The following STRN variants were observed in gnomAD, a reference collection of about 807,000 sequenced individuals.
STRN encodes striatin.
In STRN, 53 loss-of-function variants were observed where a neutral mutation model predicts 96.3. That is an observed-to-expected ratio of 0.55 (90% CI 0.44 to 0.69). STRN has a LOEUF of 0.69. Among genes scored for constraint, STRN ranks in the 30% least tolerant of loss-of-function variants. The pLI is 0.00. For missense variants in STRN, 987 were observed against 963.9 expected (o/e 1.02, Z -0.32); for synonymous variants, 428 against 355.9 (o/e 1.20, Z -2.28).
intron 10 of STRN, among the ~76,000 whole-genome samples, chr2:36,872,362 C>T (rs1572636639): frequency 6.6e-6 from 1 of 152,166 alleles, no homozygotes; most frequent in Admixed American, 6.5e-5. Context: ...GGCCTCTCAA[C>T]AACCACAGGA....
intron 15 of STRN, among the ~76,000 whole-genome samples, chr2:36,854,219 T>C (rs1043544097): frequency 6.6e-6 from 1 of 152,234 alleles, no homozygotes; most frequent in Non-Finnish European, 1.5e-5. Flanking sequence ...TTTGCTACTG[T>C]AGCTTTGAGT....
Position 36,916,167 on chromosome 2 carries a change from G to A in STRN, c.339-16C>T. On this transcript the variant is annotated splice_polypyrimidine_tract_variant and intron_variant, in intron 2 of 17. Coordinates refer to ENST00000263918, the MANE Select transcript of STRN (RefSeq NM_003162.4). ...GTATTTGGCTCTAACAAAGAAATGA[G>A]AAAATACAGACCATCTTAAAATATG... The A allele has an allele frequency of 3.1e-6, 5 of 1,593,020 alleles. No homozygotes were observed. The highest frequency in any genetic ancestry group is 4.3e-6 in the Non-Finnish European group (5 of 1,161,748).
At chr2:36,858,249 T>A (rs1220143307) in intron 13 of STRN, among the ~76,000 whole-genome samples, 1 of 152,154 alleles carries the variant, frequency 6.6e-6, no homozygotes, top group East Asian at 1.9e-4. Flanking sequence ...CACGTATTTT[T>A]CCCCCTTAAA....
chr2:36,888,010 A>C (rs1404200078), intron 7 of STRN, among the ~76,000 whole-genome samples: 4 of 151,464 alleles, frequency 2.6e-5, no homozygotes, highest in Non-Finnish European at 5.9e-5. Flanking sequence ...CAAACACCCA[A>C]CCTCTCTCCC....
chr2:36,879,285 A>G (rs2540921), intron 9 of STRN, among the ~76,000 whole-genome samples: 144,505 of 152,272 alleles, frequency 0.95, 69,033 homozygotes, highest in East Asian at 1. Flanking sequence ...TGACCAGGCT[A>G]ATCTCAAATT....
intron 10 of STRN, among the ~76,000 whole-genome samples, chr2:36,874,132 C>T (rs1057374604): frequency 1.6e-4 from 25 of 151,610 alleles, no homozygotes; most frequent in African/African-American, 5.6e-4. Flanking sequence ...GGCGTGGTGG[C>T]GGGCACCTGC....
At chr2:36,924,483 T>C (rs1670357402) in intron 2 of STRN, among the ~76,000 whole-genome samples, 1 of 152,146 alleles carries the variant, frequency 6.6e-6, no homozygotes, top group Admixed American at 6.5e-5. Context: ...AGAAATTTCC[T>C]TTAAAAATTA....
intron 1 of STRN, among the ~76,000 whole-genome samples, chr2:36,956,819 C>A (rs968891170): frequency 6.6e-6 from 1 of 152,118 alleles, no homozygotes; most frequent in Non-Finnish European, 1.5e-5. Flanking sequence ...ATTTCTCCCC[C>A]AAAAATTAGT....
At chr2:36,900,762 G>A (rs957137160) in intron 5 of STRN, among the ~76,000 whole-genome samples, 8 of 151,966 alleles carry the variant, frequency 5.3e-5, no homozygotes, top group African/African-American at 1.2e-4. Context: ...GTGTAGTGGC[G>A]CATGCCTGTA....
chr2:36,939,051 G>A (rs1295686487), intron 1 of STRN, among the ~76,000 whole-genome samples: 1 of 151,620 alleles, frequency 6.6e-6, no homozygotes, highest in Non-Finnish European at 1.5e-5. Context: ...AGTGGTGCGA[G>A]CTCGGCTCAC....
chr2:36,965,795 A>C (rs1665142580), intron 1 of STRN, among the ~76,000 whole-genome samples: 1 of 152,210 alleles, frequency 6.6e-6, no homozygotes. Context: ...CCTTCCTTGA[A>C]GAGAGGGGCC....
chr2:36,854,566 C>A lies in STRN; in HGVS notation c.1978+646G>T, dbSNP rs528141312. Among the ~76,000 whole-genome samples, 52 of 152,302 alleles carry A rather than the reference C, an allele frequency of 3.4e-4. 1 individual carries two copies. In the South Asian group the frequency reaches 8.7e-3, roughly 25 times the overall value. The stretch of plus-strand genomic sequence containing the variant: ...GTACATGTTCACACATGCATGTGCA[C>A]ACACACAACATATCATCACTTTTAA... On this transcript the variant is annotated intron_variant, in intron 15 of 17. Coordinates refer to ENST00000263918, the MANE Select transcript of STRN (RefSeq NM_003162.4).
At chr2:36,959,766 T>G (rs564984744) in intron 1 of STRN, among the ~76,000 whole-genome samples, 1 of 152,186 alleles carries the variant, frequency 6.6e-6, no homozygotes, top group Non-Finnish European at 1.5e-5. Context: ...TTATAGATAA[T>G]GTAAAAACAG....
At chr2:36,883,693 G>A (rs541249126) in intron 9 of STRN, among the ~76,000 whole-genome samples, 20 of 152,262 alleles carry the variant, frequency 1.3e-4, no homozygotes, top group African/African-American at 3.6e-4. Flanking sequence ...TGGAGCCAGC[G>A]GATATTTTAA....
chr2:36,905,479 T>C (rs1669796849), intron 4 of STRN, 61 bp downstream of exon 4: 1 of 1,452,270 alleles, frequency 6.9e-7, no homozygotes, highest in Non-Finnish European at 9.7e-7. Context: ...ACAGTAAAAA[T>C]AACTTCATAA....
rs1668112632 is a variant in STRN, at chr2:36,847,659, A to C, written c.*1797T>G. 2 of 152,204 alleles carry C rather than the reference A, an allele frequency of 1.3e-5. No individual in the cohort carries two copies. The highest frequency in any genetic ancestry group is 4.1e-4 in the South Asian group (2 of 4,838). The allele number at this position is 152,204 out of a possible 1,614,324, so 9.4% of individuals were successfully genotyped here. A position where few individuals can be genotyped will look rare whatever the true frequency, so the allele number is the denominator to read the frequency against. On this transcript the variant is annotated 3_prime_UTR_variant, in exon 18 of 18. Transcript: ENST00000263918. ...ACTACAGCATATCTGTATGAAAATC[A>C]GGCAAATTTAGCACAAGTCTCTAGC...
At chr2:36,922,963 G>A (rs187728722) in intron 2 of STRN, among the ~76,000 whole-genome samples, 4 of 151,910 alleles carry the variant, frequency 2.6e-5, no homozygotes, top group African/African-American at 4.8e-5. Flanking sequence ...TCAACATGGT[G>A]AAACCCCGTT....
intron 1 of STRN, among the ~76,000 whole-genome samples, chr2:36,961,985 T>A (rs1002136688): frequency 6.6e-6 from 1 of 152,204 alleles, no homozygotes; most frequent in Non-Finnish European, 1.5e-5. Context: ...TCGAATGGCA[T>A]CTTATCAGTG....
chr2:36,965,707 A>G (rs931292088), intron 1 of STRN, among the ~76,000 whole-genome samples: 1 of 152,192 alleles, frequency 6.6e-6, no homozygotes, highest in Non-Finnish European at 1.5e-5. Flanking sequence ...GATCTGATAT[A>G]TGAATAACAC....
Sources: allele counts gnomAD v4.1 joint callset (sites outside exome capture counted in the v4.1 genomes callset), GRCh38; gene constraint gnomAD v4.1.1; transcripts MANE v1.5; gene names NCBI Gene and HGNC (gene_info 2026-07-23, HGNC 2026-07-21).